CHIC2: variants seen among roughly 807,000 people sequenced by gnomAD.
CHIC2 encodes the protein cysteine-rich hydrophobic domain-containing protein 2.
A neutral mutation model predicts 25.9 loss-of-function variants in CHIC2; 14 were observed. That is an observed-to-expected ratio of 0.54 (90% CI 0.36 to 0.85). The LOEUF (loss-of-function observed/expected upper bound fraction) is 0.85, where lower values mean the gene tolerates loss of function less well. Among genes scored for constraint, CHIC2 ranks in the 40% least tolerant of loss-of-function variants. CHIC2 has a pLI of 0.01. For missense variants in CHIC2, 146 were observed against 202.0 expected (o/e 0.72, Z 1.68); for synonymous variants, 70 against 72.0 (o/e 0.97, Z 0.14).
At chr4:54,087,471 C>T in the CHIC2 span, 1 of 821,644 alleles carries the variant, frequency 1.2e-6, no homozygotes, top group Non-Finnish European at 1.8e-6. Flanking sequence ...GAAATTGTGA[C>T]AAGAATAAAA....
intron 1 of CHIC2, among the ~76,000 whole-genome samples, 156 bp from the exon 2 acceptor site, chr4:54,049,461 G>A (rs1716937256): frequency 1.3e-5 from 2 of 152,228 alleles, no homozygotes; most frequent in South Asian, 4.1e-4. Context: ...ACTGTAACAA[G>A]CAATTTATGA....
chr4:54,061,644 T>C (rs1717337457), intron 1 of CHIC2, among the ~76,000 whole-genome samples: 1 of 152,168 alleles, frequency 6.6e-6, no homozygotes, highest in Non-Finnish European at 1.5e-5. Context: ...TAGTAATACA[T>C]ATGCACCAAT....
At chr4:54,013,979 T>C in intron 4 of CHIC2, 83 bp from the exon 5 acceptor site, 5 of 1,596,448 alleles carry the variant, frequency 3.1e-6, no homozygotes, top group Non-Finnish European at 4.3e-6. Context: ...CCACCTTTCA[T>C]ATTTTTAGTT....
At chr4:54,045,262 C>G (rs1716746385) in intron 3 of CHIC2, among the ~76,000 whole-genome samples, 1 of 152,148 alleles carries the variant, frequency 6.6e-6, no homozygotes, top group Non-Finnish European at 1.5e-5. Context: ...TTATTCCAAT[C>G]AATAGAAAAA....
chr4:54,045,550 A>G (rs1716756985), intron 3 of CHIC2, among the ~76,000 whole-genome samples: 3 of 152,252 alleles, frequency 2.0e-5, no homozygotes, highest in African/African-American at 7.2e-5. Context: ...GACAAAAACC[A>G]CATGATTATC....
chr4:54,027,828 A>C (rs1262855978), intron 3 of CHIC2, among the ~76,000 whole-genome samples: 1 of 152,220 alleles, frequency 6.6e-6, no homozygotes, highest in Non-Finnish European at 1.5e-5. Flanking sequence ...AAATAACTTT[A>C]CCAGAAGTCA....
In CHIC2 at chr4:54,064,145, C is replaced by G. The variant is rs774350145; in HGVS notation, c.119+37G>C. ...CGTGGAGTAACGGGGCCCACCCCAGCCCGCACCTCCCGCCCTCGCCCTCCT... is the reference window on the plus strand; with the variant it reads ...CGTGGAGTAACGGGGCCCACCCCAGGCCGCACCTCCCGCCCTCGCCCTCCT... On this transcript the variant is annotated intron_variant, in intron 1 of 5. Coordinates refer to ENST00000263921, the MANE Select transcript of CHIC2 (RefSeq NM_012110.4). This position sits in a 1 kb window ranked among gnomAD's most constrained non-coding sequence, Gnocchi z 4.2. 2.7e-5 allele frequency: 42 copies of G among 1,562,112 alleles called. No homozygotes were observed. Among genetic ancestry groups the G allele is most frequent in the Non-Finnish European group, 3.6e-5 (41 of 1,147,612 alleles).
intron 3 of CHIC2, among the ~76,000 whole-genome samples, chr4:54,028,909 G>A (rs1403146066): frequency 1.3e-5 from 2 of 152,112 alleles, no homozygotes; most frequent in African/African-American, 4.8e-5. Context: ...CAGATCATGA[G>A]GTCAGAAGAT....
chr4:54,083,588 T>A, the CHIC2 span, among the ~76,000 whole-genome samples: 2 of 152,210 alleles, frequency 1.3e-5, no homozygotes, highest in Admixed American at 1.3e-4. Flanking sequence ...TTTGTCTTTC[T>A]GTACCCCTGT....
chr4:54,035,183 C>T (rs1716346585), intron 3 of CHIC2, among the ~76,000 whole-genome samples: 1 of 152,124 alleles, frequency 6.6e-6, no homozygotes, highest in East Asian at 1.9e-4. Flanking sequence ...TCATGAGGAA[C>T]ATTTTTCTGT....
chr4:54,043,187 C>T (rs1315136175), intron 3 of CHIC2, among the ~76,000 whole-genome samples: 2 of 151,984 alleles, frequency 1.3e-5, no homozygotes, highest in African/African-American at 2.4e-5. Context: ...TTTGGGAGGC[C>T]GAGGCGGATG....
chr4:54,037,580 T>C (rs1223713185), intron 3 of CHIC2, among the ~76,000 whole-genome samples: 1 of 152,172 alleles, frequency 6.6e-6, no homozygotes, highest in Non-Finnish European at 1.5e-5. Context: ...TAGTTTATTG[T>C]ATGTCACTGA....
chr4:54,032,113 A>C (rs925155624), intron 3 of CHIC2, among the ~76,000 whole-genome samples: 4 of 152,216 alleles, frequency 2.6e-5, no homozygotes, highest in Admixed American at 6.5e-5. Context: ...AGCACAAAGG[A>C]AATGAAAATA....
the CHIC2 span, chr4:54,087,162 G>A: frequency 1.3e-6 from 1 of 752,962 alleles, no homozygotes; most frequent in Non-Finnish European, 2.4e-6. Context: ...AACAAACAGA[G>A]GACTCCTGGA....
At chr4:54,016,256 C>T (rs1008491944) in intron 3 of CHIC2, among the ~76,000 whole-genome samples, 1 of 151,820 alleles carries the variant, frequency 6.6e-6, no homozygotes, top group Non-Finnish European at 1.5e-5. Context: ...ATGTAGTTAC[C>T]ACCATCATTT....
At chr4:54,053,356 A>T (rs924954544) in intron 1 of CHIC2, among the ~76,000 whole-genome samples, 1 of 152,140 alleles carries the variant, frequency 6.6e-6, no homozygotes, top group Admixed American at 6.5e-5. Flanking sequence ...CAGGAGTTCG[A>T]GACCAACCTG....
chr4:54,023,384 TA>T, intron 3 of CHIC2, among the ~76,000 whole-genome samples: 1 of 152,262 alleles, frequency 6.6e-6, no homozygotes, highest in Non-Finnish European at 1.5e-5. Flanking sequence ...TTCCAAAATC[TA>T]TTTTCTTCCT....
At chr4:54,019,353 C>A (rs1317310895) in intron 3 of CHIC2, among the ~76,000 whole-genome samples, 2 of 151,914 alleles carry the variant, frequency 1.3e-5, no homozygotes, top group African/African-American at 4.8e-5. Flanking sequence ...TTTAAATAAT[C>A]TAGATATATT....
At chr4:54,076,779 C>T in the CHIC2 span, 1 of 152,196 alleles carries the variant, frequency 6.6e-6, no homozygotes, top group East Asian at 1.9e-4. Flanking sequence ...TAGATTTCTA[C>T]AGAAACTATG....
Sources: allele counts gnomAD v4.1 joint callset (sites outside exome capture counted in the v4.1 genomes callset), GRCh38; gene constraint gnomAD v4.1.1; non-coding constraint Gnocchi (gnomAD v3.1); transcripts MANE v1.5; gene names NCBI Gene and HGNC (gene_info 2026-07-23, HGNC 2026-07-21).